GABRG3: variants seen among roughly 807,000 people sequenced by gnomAD.
GABRG3 encodes the protein gamma-aminobutyric acid receptor subunit gamma-3.
GABRG3 carries 25 observed loss-of-function variants against 48.8 expected under a neutral mutation model. The observed-to-expected ratio is 0.51, with a 90% confidence interval of 0.37 to 0.72. GABRG3 has a LOEUF of 0.72. Among genes scored for constraint, GABRG3 ranks in the 30% least tolerant of loss-of-function variants. The pLI, the probability that GABRG3 is intolerant of heterozygous loss-of-function variation, is 0.00. For missense variants in GABRG3, 394 were observed against 577.9 expected, an observed-to-expected ratio of 0.68 and a Z score of 3.26; for synonymous variants, 227 against 217.6, an observed-to-expected ratio of 1.04 and a Z score of -0.38.
chr15:27,346,087 A>G lies in GABRG3; in HGVS notation c.574+17199A>G. Among the ~76,000 whole-genome samples the G allele has an allele frequency of 2.6e-5, 2 of 76,760 alleles. 1 individual carries two copies. Among genetic ancestry groups the G allele is most frequent in the Non-Finnish European group, 5.1e-5 (2 of 39,056 alleles). 50.4% of individuals were successfully genotyped at this position (76,760 alleles called of 152,430 possible). A position where few individuals can be genotyped will look rare whatever the true frequency, so the allele number is the denominator to read the frequency against. On this transcript the variant is annotated intron_variant, in intron 5 of 9. Coordinates refer to ENST00000615808, the MANE Select transcript of GABRG3 (RefSeq NM_033223.5). ...AAAAAGAGAGAGAAAGAAGAGAGAG[A>G]AAGAAAGAAAGGAAAGAAAGAGAAA...
At chr15:27,003,886 G>T (rs1019483134) in intron 2 of GABRG3, among the ~76,000 whole-genome samples, 1 of 148,496 alleles carries the variant, frequency 6.7e-6, no homozygotes, top group Admixed American at 6.6e-5. Context: ...AGACGGGGCG[G>T]CTGGCCGGGC....
At chr15:27,245,060 CCCT>C (rs1279834211) in intron 3 of GABRG3, among the ~76,000 whole-genome samples, 2 of 152,080 alleles carry the variant, frequency 1.3e-5, no homozygotes, top group Admixed American at 6.5e-5. Context: ...TAGTGCTGGA[CCCT>C]CCTCCTTAGT....
At chr15:27,297,027 G>T (rs1275013320) in intron 3 of GABRG3, among the ~76,000 whole-genome samples, 1 of 151,754 alleles carries the variant, frequency 6.6e-6, no homozygotes, top group East Asian at 1.9e-4. Flanking sequence ...CCCTGTGTAG[G>T]CCTAGGCTAA....
At chr15:27,473,912 T>C (rs1889859077) in intron 5 of GABRG3, among the ~76,000 whole-genome samples, 1 of 152,194 alleles carries the variant, frequency 6.6e-6, no homozygotes, top group Non-Finnish European at 1.5e-5. Flanking sequence ...TTAAACTCTG[T>C]CTTGTCTGTC....
At chr15:27,058,011 T>G (rs766834972) in intron 3 of GABRG3, among the ~76,000 whole-genome samples, 1 of 152,138 alleles carries the variant, frequency 6.6e-6, no homozygotes, top group Non-Finnish European at 1.5e-5. Context: ...ACTCTCACAG[T>G]GAATCTGCCG....
At chr15:27,418,249 T>C (rs1160690776) in intron 5 of GABRG3, among the ~76,000 whole-genome samples, 2 of 152,188 alleles carry the variant, frequency 1.3e-5, no homozygotes, top group African/African-American at 4.8e-5. Flanking sequence ...AGCTGGAAGA[T>C]GGTGTTGCTC....
At chr15:27,098,226 G>T (rs1595523504) in intron 3 of GABRG3, among the ~76,000 whole-genome samples, 1 of 152,110 alleles carries the variant, frequency 6.6e-6, no homozygotes, top group African/African-American at 2.4e-5. Context: ...CTGAGGTCAG[G>T]AGTTCAAGAC....
chr15:27,225,820 A>G (rs546089136), intron 3 of GABRG3, among the ~76,000 whole-genome samples: 1 of 152,146 alleles, frequency 6.6e-6, no homozygotes, highest in South Asian at 2.1e-4. Flanking sequence ...GCCCACAGGA[A>G]GTGCATGTGG....
chr15:27,059,289 G>A (rs1595499075), intron 3 of GABRG3, among the ~76,000 whole-genome samples: 1 of 152,334 alleles, frequency 6.6e-6, no homozygotes, highest in East Asian at 1.9e-4. Flanking sequence ...GCCACAGCCA[G>A]CTACAGGTGG....
intron 3 of GABRG3, among the ~76,000 whole-genome samples, chr15:27,254,307 C>G (rs376550791): frequency 6.6e-6 from 1 of 152,052 alleles, no homozygotes; most frequent in Non-Finnish European, 1.5e-5. Context: ...CAGGGACTCT[C>G]GAGAAGGCGC....
At chr15:27,113,991 C>A (rs1897600044) in intron 3 of GABRG3, among the ~76,000 whole-genome samples, 1 of 152,210 alleles carries the variant, frequency 6.6e-6, no homozygotes, top group Admixed American at 6.5e-5. Flanking sequence ...AAGAGATAAA[C>A]ATATTTGATA....
intron 3 of GABRG3, among the ~76,000 whole-genome samples, chr15:27,112,442 ATTT>A: frequency 7.3e-6 from 1 of 137,642 alleles, no homozygotes; most frequent in African/African-American, 2.7e-5. Context: ...TATTTCATTG[ATTT>A]TTTTTTTTTT....
intron 2 of GABRG3, among the ~76,000 whole-genome samples, chr15:26,995,059 A>G (rs570961616): frequency 1.3e-5 from 2 of 152,168 alleles, no homozygotes; most frequent in East Asian, 1.9e-4. Flanking sequence ...TTAAGGTCCA[A>G]TTATTGCACA....
chr15:27,240,150 C>T (rs1890090897), intron 3 of GABRG3, among the ~76,000 whole-genome samples: 1 of 152,178 alleles, frequency 6.6e-6, no homozygotes, highest in Non-Finnish European at 1.5e-5. Context: ...ATTAAATGAT[C>T]ATCGTGACTC....
chr15:27,416,663 C>T (rs1303407192), intron 5 of GABRG3, among the ~76,000 whole-genome samples: 1 of 152,140 alleles, frequency 6.6e-6, no homozygotes, highest in Non-Finnish European at 1.5e-5. Flanking sequence ...GAGCCTCCAG[C>T]AAGTCCATCA....
rs1484340375 is a variant in GABRG3, at chr15:27,179,756, T to TG, written c.271-147050dup. ...TTCATGGTGTGAATTTTGAATGCTGTGGGAAAGATGGAAGCCAAAGATGCA... is the reference window on the plus strand; with the variant it reads ...TTCATGGTGTGAATTTTGAATGCTGTGGGGAAAGATGGAAGCCAAAGATGCA... On this transcript the variant is annotated intron_variant, in intron 3 of 9. Coordinates refer to ENST00000615808, the MANE Select transcript of GABRG3 (RefSeq NM_033223.5). This position sits in a 1 kb window ranked among gnomAD's most constrained non-coding sequence, Gnocchi z 4.0. 6.6e-6 allele frequency among the ~76,000 whole-genome samples: 1 copy of TG among 152,148 alleles called. No homozygotes were observed. The highest frequency in any genetic ancestry group is 6.6e-5 in the Admixed American group (1 of 15,266).
At chr15:27,331,416 GA>G (rs1893797606) in intron 5 of GABRG3, among the ~76,000 whole-genome samples, 1 of 152,100 alleles carries the variant, frequency 6.6e-6, no homozygotes, top group African/African-American at 2.4e-5. Context: ...GCACTACAAA[GA>G]AAGGAGCTAC....
chr15:27,338,449 T>C (rs778787976), intron 5 of GABRG3, among the ~76,000 whole-genome samples: 4 of 152,128 alleles, frequency 2.6e-5, no homozygotes, highest in Non-Finnish European at 4.4e-5. Flanking sequence ...GATGATCAAG[T>C]CCCCTGATGT....
chr15:27,099,467 C>G (rs552659720), intron 3 of GABRG3, among the ~76,000 whole-genome samples: 1 of 152,150 alleles, frequency 6.6e-6, no homozygotes, highest in African/African-American at 2.4e-5. Context: ...CAAGTTTTCT[C>G]TTCTTATGAT....
Sources: gnomAD v4.1 joint callset for allele counts (sites outside exome capture counted in the v4.1 genomes callset) on GRCh38, gnomAD v4.1.1 for gene constraint, Gnocchi (gnomAD v3.1) non-coding constraint, MANE v1.5 for transcripts, NCBI Gene and HGNC (gene_info 2026-07-23, HGNC 2026-07-21) for gene names.